The following ZNF536 variants were observed in gnomAD, a reference collection of about 807,000 sequenced individuals.
ZNF536 encodes zinc finger protein 536.
A neutral mutation model predicts 84.5 loss-of-function variants in ZNF536; 13 were observed. The observed-to-expected ratio is 0.15, with a 90% CI of 0.10 to 0.24. The LOEUF (loss-of-function observed/expected upper bound fraction) is 0.24. Among genes scored for constraint, ZNF536 ranks in the 10% least tolerant of loss-of-function variants. The probability of loss-of-function intolerance (pLI) is 1.00; values close to 1 mark genes in which losing one functional copy is unlikely to be tolerated. For missense variants in ZNF536, 1,536 were observed against 1,747.5 expected (o/e 0.88, Z 2.16); for synonymous variants, 811 against 742.5 (o/e 1.09, Z -1.50).
rs149223384 is a variant in ZNF536, at chr19:30,432,006, T to TATATATATATATATATACACAC, written c.-2-11554_-2-11553insTATATATATATATATACACACA. Reference sequence around the variant, plus strand: ...TTCATTAAAAGCATATATATATATATACACACACACATACACACACACACA... The same window carrying TATATATATATATATATACACAC: ...TTCATTAAAAGCATATATATATATATATATATATATATATATACACACACACACACACATACACACACACACA... On this transcript the variant is annotated intron_variant, in intron 1 of 4. Coordinates refer to ENST00000355537, the MANE Select transcript of ZNF536 (RefSeq NM_014717.3). 5.5e-5 allele frequency among the ~76,000 whole-genome samples: 8 copies of TATATATATATATATATACACAC among 146,082 alleles called. No individual in the cohort carries two copies. In the South Asian group the frequency reaches 6.7e-4, roughly 12 times the overall value.
At chr19:30,708,024 AG>A (rs2052313866) in intron 1 of ZNF536, among the ~76,000 whole-genome samples, 1 of 151,440 alleles carries the variant, frequency 6.6e-6, no homozygotes, top group Non-Finnish European at 1.5e-5. Context: ...AAAAAAAAAA[AG>A]AAAATCCAAA....
exon 2 of ZNF536, chr19:30,712,147 A>T (rs2052472154): frequency 6.6e-6 from 1 of 152,138 alleles, no homozygotes; most frequent in Admixed American, 6.5e-5. Flanking sequence ...TGTGTTCTAT[A>T]TTTTTGTAGA....
chr19:30,429,242 T>C (rs1157722618), intron 1 of ZNF536, among the ~76,000 whole-genome samples: 2 of 152,166 alleles, frequency 1.3e-5, no homozygotes, highest in African/African-American at 4.8e-5. Context: ...GCACACCTGC[T>C]AGTGTGAGGC....
At chr19:30,643,749 G>A (rs866106582) in intron 1 of ZNF536, among the ~76,000 whole-genome samples, 3 of 152,230 alleles carry the variant, frequency 2.0e-5, no homozygotes, top group Middle Eastern at 3.4e-3. Context: ...GGGTAGCTTT[G>A]GGTGGAAGAT....
intron 1 of ZNF536, among the ~76,000 whole-genome samples, chr19:30,568,299 T>C (rs1470052422): frequency 6.6e-6 from 1 of 152,084 alleles, no homozygotes; most frequent in Non-Finnish European, 1.5e-5. Context: ...AGGTTGGGAG[T>C]TTCCGGGGGA....
intron 1 of ZNF536, among the ~76,000 whole-genome samples, chr19:30,678,925 G>C (rs2050861646): frequency 6.6e-6 from 1 of 152,130 alleles, no homozygotes; most frequent in South Asian, 2.1e-4. Context: ...GACAGAGTGA[G>C]ACTCCATCCT....
chr19:30,623,040 G>GTT lies in ZNF536; in HGVS notation c.169+73532_169+73533dup, dbSNP rs778168856. Among the ~76,000 whole-genome samples, 841 of 99,268 alleles carry GTT rather than the reference G, an allele frequency of 8.5e-3. 33 individuals are homozygous for GTT. The highest frequency in any genetic ancestry group is 0.028 in the African/African-American group (756 of 26,990). 65.1% of individuals were successfully genotyped at this position (99,268 alleles called of 152,430 possible). On this transcript the variant is annotated intron_variant, in intron 1 of 1. Transcript: ENST00000592773. Reference sequence around the variant, plus strand: ...CTTGTGTTTTTTTTTTTGTTTTTTTGTTTTTTTGTTTTTTTGAGATGGGAT... The same window carrying GTT: ...CTTGTGTTTTTTTTTTTGTTTTTTTGTTTTTTTTTGTTTTTTTGAGATGGGAT...
chr19:30,586,101 A>T (rs562384367), intron 1 of ZNF536, among the ~76,000 whole-genome samples: 3 of 152,164 alleles, frequency 2.0e-5, no homozygotes, highest in African/African-American at 7.2e-5. Context: ...CTTAATAGCT[A>T]TGTATATTTG....
At chr19:30,239,099 T>C (rs549104260) in intron 1 of ZNF536, among the ~76,000 whole-genome samples, 1 of 152,234 alleles carries the variant, frequency 6.6e-6, no homozygotes, top group East Asian at 1.9e-4. Flanking sequence ...CCCAAATCTA[T>C]GACAAAAGAA....
intron 2 of ZNF536, among the ~76,000 whole-genome samples, chr19:30,529,728 C>T (rs551387600): frequency 6.9e-4 from 105 of 152,244 alleles, no homozygotes; most frequent in African/African-American, 2.5e-3. Flanking sequence ...CCTCCTTTTT[C>T]TTTAGCAAGT....
intron 2 of ZNF536, among the ~76,000 whole-genome samples, chr19:30,347,345 CGCCTGCTT>C: frequency 6.6e-6 from 1 of 152,226 alleles, no homozygotes; most frequent in Middle Eastern, 3.4e-3. Context: ...CTGGTCTAGC[CGCCTGCTT>C]TTTGGGCAGC....
intron 1 of ZNF536, among the ~76,000 whole-genome samples, chr19:30,695,532 A>G (rs895953126): frequency 3.3e-5 from 5 of 152,154 alleles, no homozygotes; most frequent in African/African-American, 4.8e-5. Flanking sequence ...GCGGGTCTCA[A>G]TGGAAGAAGA....
intron 2 of ZNF536, among the ~76,000 whole-genome samples, chr19:30,447,450 G>A (rs534261479): frequency 3.9e-4 from 59 of 152,262 alleles, no homozygotes; most frequent in African/African-American, 7.9e-4. Flanking sequence ...ACTTAATGCC[G>A]CTGCTTAAAT....
chr19:30,299,348 T>G (rs1186591875), intron 2 of ZNF536, among the ~76,000 whole-genome samples: 2 of 152,224 alleles, frequency 1.3e-5, no homozygotes, highest in African/African-American at 4.8e-5. Context: ...TTCTTTTATA[T>G]TCACATCTAC....
intron 1 of ZNF536, among the ~76,000 whole-genome samples, chr19:30,407,826 T>C (rs2147633801): frequency 6.6e-6 from 1 of 152,252 alleles, no homozygotes; most frequent in Non-Finnish European, 1.5e-5. Context: ...GACTCTACCA[T>C]GATTGATTTA....
At chr19:30,676,577 A>T (rs2050759943) in intron 1 of ZNF536, among the ~76,000 whole-genome samples, 1 of 152,268 alleles carries the variant, frequency 6.6e-6, no homozygotes, top group Non-Finnish European at 1.5e-5. Flanking sequence ...GTAGATTTTA[A>T]ATCATTTTTA....
intron 2 of ZNF536, among the ~76,000 whole-genome samples, chr19:30,466,788 G>GGAA (rs2053431124): frequency 8.0e-6 from 1 of 125,226 alleles, no homozygotes; most frequent in East Asian, 2.3e-4. Flanking sequence ...AAGGAAGGAA[G>GGAA]GAAGGAAGGA....
Position 30,626,675 on chromosome 19 carries a change from C to T in ZNF536, c.169+77161C>T, listed in dbSNP as rs115797961. On this transcript the variant is annotated intron_variant, in intron 1 of 1. Transcript: ENST00000592773. ...CAATGGGCTCAGGAGCACCGTGGGC[C>T]CCTGCACGACGCAAGGAAGCTCTCC... Among the ~76,000 whole-genome samples the T allele has an allele frequency of 9.2e-3, 1,408 of 152,240 alleles. 19 individuals are homozygous for T. Among genetic ancestry groups the T allele is most frequent in the African/African-American group, 0.031 (1,296 of 41,530 alleles).
At chr19:30,645,835 T>C (rs1443296593) in intron 1 of ZNF536, among the ~76,000 whole-genome samples, 1 of 152,242 alleles carries the variant, frequency 6.6e-6, no homozygotes, top group Non-Finnish European at 1.5e-5. Flanking sequence ...TATGTTCTGA[T>C]GCTTTTGGTC....
Sources: gnomAD v4.1 joint callset for allele counts (sites outside exome capture counted in the v4.1 genomes callset) on GRCh38, gnomAD v4.1.1 for gene constraint, MANE v1.5 for transcripts, NCBI Gene and HGNC (gene_info 2026-07-23, HGNC 2026-07-21) for gene names.